Variants in NELL1 observed in about 807,000 individuals in gnomAD.
The protein encoded by NELL1 is protein kinase C-binding protein NELL1.
A neutral mutation model predicts 107.4 loss-of-function variants in NELL1; 76 were observed. That is an observed-to-expected ratio of 0.71 (90% confidence interval 0.59 to 0.86). The LOEUF (loss-of-function observed/expected upper bound fraction) is 0.86, where lower values mean the gene tolerates loss of function less well. Among genes scored for constraint, NELL1 ranks in the 40% least tolerant of loss-of-function variants. The pLI is 0.00. For missense variants in NELL1, 1,024 were observed against 1,005.5 expected (o/e 1.02, Z -0.25); for synonymous variants, 353 against 341.2 (o/e 1.03, Z -0.38).
At chr11:21,349,671 A>T (rs1235708415) in intron 14 of NELL1, among the ~76,000 whole-genome samples, 1 of 151,908 alleles carries the variant, frequency 6.6e-6, no homozygotes, top group Non-Finnish European at 1.5e-5. Context: ...TTGGGAATGT[A>T]TATGTTATAT....
chr11:21,564,494 A>G (rs956665622), intron 17 of NELL1, among the ~76,000 whole-genome samples: 4 of 151,990 alleles, frequency 2.6e-5, no homozygotes, highest in South Asian at 4.1e-4. Flanking sequence ...GGGCTTGTAT[A>G]CTACTACATC....
At chr11:21,106,164 A>G (rs897342367) in intron 12 of NELL1, among the ~76,000 whole-genome samples, 2 of 151,884 alleles carry the variant, frequency 1.3e-5, no homozygotes, top group African/African-American at 2.4e-5. Context: ...CCTTCTCTAA[A>G]AAGATCAGAG....
intron 15 of NELL1, among the ~76,000 whole-genome samples, chr11:21,480,598 C>A (rs1242239189): frequency 2.0e-5 from 3 of 152,196 alleles, no homozygotes; most frequent in Non-Finnish European, 4.4e-5. Context: ...AGCTTTCAGA[C>A]CTCTTTGGCT....
chr11:21,368,357 T>TTG (rs1054894816), intron 14 of NELL1, among the ~76,000 whole-genome samples: 5 of 141,416 alleles, frequency 3.5e-5, no homozygotes, highest in African/African-American at 1.5e-4. Context: ...AGGCATTGGT[T>TTG]TTTTTTTTTT....
intron 14 of NELL1, among the ~76,000 whole-genome samples, chr11:21,290,845 C>T (rs1849240903): frequency 6.6e-6 from 1 of 152,116 alleles, no homozygotes; most frequent in Non-Finnish European, 1.5e-5. Context: ...AGATCACCAA[C>T]ATAAAAAACC....
At chr11:21,250,552 A>G (rs1324294452) in intron 14 of NELL1, among the ~76,000 whole-genome samples, 3 of 152,190 alleles carry the variant, frequency 2.0e-5, no homozygotes, top group Non-Finnish European at 4.4e-5. Context: ...TCACCTAGAT[A>G]GATAAGGAAA....
intron 15 of NELL1, among the ~76,000 whole-genome samples, chr11:21,509,945 C>A (rs1457630510): frequency 6.6e-6 from 1 of 152,200 alleles, no homozygotes; most frequent in African/African-American, 2.4e-5. Flanking sequence ...AGGATTCCAA[C>A]TATTACCATT....
intron 11 of NELL1, 53 bp from the exon 12 acceptor site, chr11:20,960,379 G>C (rs1851265570): frequency 6.4e-7 from 1 of 1,570,344 alleles, no homozygotes; most frequent in African/African-American, 1.4e-5. Flanking sequence ...TTATTTTGGG[G>C]AGTTACTTTA....
chr11:20,943,539 C>T (rs192090832), intron 10 of NELL1, among the ~76,000 whole-genome samples: 102 of 152,038 alleles, frequency 6.7e-4, no homozygotes, highest in African/African-American at 2.3e-3. Context: ...GCTGAGATTG[C>T]GCCACTGCAC....
At chr11:21,468,155 A>T (rs1854078120) in intron 15 of NELL1, among the ~76,000 whole-genome samples, 1 of 152,050 alleles carries the variant, frequency 6.6e-6, no homozygotes, top group African/African-American at 2.4e-5. Flanking sequence ...TTGAAGATTC[A>T]GTTTATTATT....
At chr11:21,528,520 C>G (rs111590654) in intron 15 of NELL1, among the ~76,000 whole-genome samples, 12 of 5,668 alleles carry the variant, frequency 2.1e-3, no homozygotes, top group South Asian at 8.3e-3. Context: ...CACCCCCCCC[C>G]CCTTTTTTTT....
intron 14 of NELL1, among the ~76,000 whole-genome samples, chr11:21,320,449 A>T (rs1264083821): frequency 6.6e-6 from 1 of 152,212 alleles, no homozygotes; most frequent in Non-Finnish European, 1.5e-5. Flanking sequence ...ATGAAGTATC[A>T]GAATAAATAT....
At chr11:21,295,253 G>A (rs1849349518) in intron 14 of NELL1, among the ~76,000 whole-genome samples, 1 of 151,962 alleles carries the variant, frequency 6.6e-6, no homozygotes, top group South Asian at 2.1e-4. Flanking sequence ...CCAGCCCAGG[G>A]CACTGGAGTA....
intron 14 of NELL1, among the ~76,000 whole-genome samples, chr11:21,319,194 G>C (rs1390736804): frequency 1.3e-5 from 2 of 151,070 alleles, no homozygotes; most frequent in East Asian, 2.0e-4. Context: ...TTGTGTTTTT[G>C]AGACAGAGTC....
intron 15 of NELL1, among the ~76,000 whole-genome samples, chr11:21,456,417 G>A (rs146807191): frequency 1.0e-3 from 153 of 151,958 alleles, no homozygotes; most frequent in African/African-American, 3.4e-3. Flanking sequence ...ACTGCACGAT[G>A]TACTTCCTCA....
At chr11:21,526,612 C>T (rs548006282) in intron 15 of NELL1, among the ~76,000 whole-genome samples, 20 of 152,308 alleles carry the variant, frequency 1.3e-4, no homozygotes, top group African/African-American at 4.1e-4. Flanking sequence ...CAGGCATTTC[C>T]GTACATCCTC....
intron 5 of NELL1, among the ~76,000 whole-genome samples, chr11:20,889,875 C>G (rs10833406): frequency 0.66 from 100,251 of 152,078 alleles, 35,559 homozygotes; most frequent in Non-Finnish European, 0.81. Context: ...GAGCCCCTAG[C>G]GGGAGAGGTG....
intron 4 of NELL1, among the ~76,000 whole-genome samples, chr11:20,856,275 C>A (rs1343283860): frequency 6.6e-6 from 1 of 152,160 alleles, no homozygotes; most frequent in Non-Finnish European, 1.5e-5. Flanking sequence ...GCAGAGCCAG[C>A]CAGCTAATGT....
intron 14 of NELL1, among the ~76,000 whole-genome samples, chr11:21,341,204 A>T (rs1295562217): frequency 6.6e-6 from 1 of 152,184 alleles, no homozygotes; most frequent in Non-Finnish European, 1.5e-5. Flanking sequence ...AATTCGTAAG[A>T]CCACTAGAAA....
Sources: allele counts gnomAD v4.1 joint callset (sites outside exome capture counted in the v4.1 genomes callset), GRCh38; gene constraint gnomAD v4.1.1; transcripts MANE v1.5; gene names NCBI Gene and HGNC (gene_info 2026-07-23, HGNC 2026-07-21).